ZNF131: variants seen among roughly 807,000 people sequenced by gnomAD.
The protein encoded by ZNF131 is zinc finger and BTB domain containing 35.
Under a neutral mutation model 60.0 loss-of-function variants are expected in ZNF131, and 7 were observed. That is an observed-to-expected ratio of 0.12 (90% CI 0.07 to 0.22). The LOEUF is 0.22. ZNF131 is among the 10% of genes least tolerant of loss of function. ZNF131 has a pLI of 1.00. For missense variants in ZNF131, 493 were observed against 740.9 expected (o/e 0.67, Z 3.88); for synonymous variants, 257 against 253.2 (o/e 1.01, Z -0.14).
chr5:43,152,231 G>A (rs1328528017), intron 4 of ZNF131, among the ~76,000 whole-genome samples: 2 of 152,070 alleles, frequency 1.3e-5, no homozygotes, highest in South Asian at 2.1e-4. Context: ...TCGAACTCCC[G>A]ACCTCAAGTG....
At chr5:43,137,399 GA>G (rs1281643873) in intron 3 of ZNF131, among the ~76,000 whole-genome samples, 5 of 151,738 alleles carry the variant, frequency 3.3e-5, no homozygotes, top group Admixed American at 1.3e-4. Flanking sequence ...AAATGATGCA[GA>G]AAAAAATTAA....
chr5:43,137,110 C>T (rs911464936), intron 3 of ZNF131, among the ~76,000 whole-genome samples: 1 of 152,016 alleles, frequency 6.6e-6, no homozygotes, highest in Non-Finnish European at 1.5e-5. Flanking sequence ...TGTAAATCTC[C>T]TGGAAGAAAA....
In ZNF131 at chr5:43,161,266, C is replaced by T; in HGVS notation, c.389C>T (p.Ala130Val). ...ALEVRNKENSAPLEENTTGKN... is the reference protein window; with the variant it reads ...ALEVRNKENSVPLEENTTGKN... ...TATTTCAGGAACAAAGAAAACTCAG[C>T]TCCCTTAGAGGAAAATACCACAGGA... is the stretch of plus-strand genomic sequence containing the variant. Residue 130 changes from alanine to valine, a missense_variant, in exon 5 of 7, where the codon GCT becomes GTT. Ala to Val is a moderately conservative substitution (Grantham distance 64). Around this residue, in one of 7 missense-constraint regions of ZNF131, gnomAD observed 138 missense variants for 158.7 expected, o/e 0.87. Transcript: ENST00000682664. 1.3e-6 allele frequency: 2 copies of T among 1,599,908 alleles called. No individual in the cohort carries two copies. Among genetic ancestry groups the T allele is most frequent in the South Asian group, 1.1e-5 (1 of 87,716 alleles).
chr5:43,156,110 A>G (rs1381749332), intron 4 of ZNF131, among the ~76,000 whole-genome samples: 1 of 152,222 alleles, frequency 6.6e-6, no homozygotes, highest in African/African-American at 2.4e-5. Flanking sequence ...AGAAGTATAA[A>G]TGCACTTCCT....
At chr5:43,167,725 C>G (rs549977470) in intron 5 of ZNF131, among the ~76,000 whole-genome samples, 3 of 152,110 alleles carry the variant, frequency 2.0e-5, no homozygotes, top group Non-Finnish European at 4.4e-5. Context: ...TCAAGGAGCT[C>G]AGGATATGCT....
intron 5 of ZNF131, among the ~76,000 whole-genome samples, chr5:43,171,300 A>G (rs1378426005): frequency 6.6e-6 from 1 of 152,066 alleles, no homozygotes; most frequent in Non-Finnish European, 1.5e-5. Context: ...CTTCAAAGCC[A>G]ATTCTGGATC....
At chr5:43,160,007 T>C (rs140265226) in intron 4 of ZNF131, among the ~76,000 whole-genome samples, 10,582 of 151,892 alleles carry the variant, frequency 0.07, 441 homozygotes, top group South Asian at 0.13. Context: ...AAACCCCATC[T>C]CTACTAAAAA....
In ZNF131 at chr5:43,146,530, G is replaced by A. The variant is rs566481773; in HGVS notation, c.371+7221G>A. On this transcript the variant is annotated intron_variant, in intron 4 of 6. Coordinates refer to ENST00000682664, the MANE Select transcript of ZNF131 (RefSeq NM_001330707.2). ...GAATGGCGTGAACCTGGGAGGCAGA[G>A]CTTGCAGTGAGCCGAGATTGCGCCA... 7.9e-5 allele frequency among the ~76,000 whole-genome samples: 12 copies of A among 152,284 alleles called. No homozygotes were observed. The East Asian group carries it at 1.9e-3, about 24-fold the overall frequency.
At chr5:43,158,507 C>T (rs1258127800) in intron 4 of ZNF131, among the ~76,000 whole-genome samples, 1 of 152,158 alleles carries the variant, frequency 6.6e-6, no homozygotes, top group Non-Finnish European at 1.5e-5. Context: ...TCAGGCTGGT[C>T]TCGAACTCCT....
chr5:43,169,923 T>A (rs1304076434), intron 5 of ZNF131, among the ~76,000 whole-genome samples: 1 of 152,068 alleles, frequency 6.6e-6, no homozygotes, highest in Non-Finnish European at 1.5e-5. Flanking sequence ...CCCGAGTAGC[T>A]GGGCTTACAG....
Position 43,160,678 on chromosome 5 carries a change from C to CTTTTTTTTTTTTTT in ZNF131, c.372-562_372-549dup, listed in dbSNP as rs71608692. On this transcript the variant is annotated intron_variant, in intron 4 of 6. Coordinates refer to ENST00000682664, the MANE Select transcript of ZNF131 (RefSeq NM_001330707.2). Reference sequence around the variant, plus strand: ...TCACTGTTAAATGATTAGCTTGGAACTTTTTTTTTTTTTTTTTTTTTTGAG... The same window carrying CTTTTTTTTTTTTTT: ...TCACTGTTAAATGATTAGCTTGGAACTTTTTTTTTTTTTTTTTTTTTTTTTTTTTTTTTTTTGAG... Among the ~76,000 whole-genome samples the CTTTTTTTTTTTTTT allele has an allele frequency of 1.4e-3, 130 of 93,030 alleles. 5 individuals are homozygous for CTTTTTTTTTTTTTT. Among genetic ancestry groups the CTTTTTTTTTTTTTT allele is most frequent in the African/African-American group, 3.7e-3 (93 of 25,082 alleles). 61.0% of individuals were successfully genotyped at this position (93,030 alleles called of 152,430 possible).
At chr5:43,170,906 A>G (rs1217260438) in intron 5 of ZNF131, among the ~76,000 whole-genome samples, 1 of 149,944 alleles carries the variant, frequency 6.7e-6, no homozygotes, top group East Asian at 2.0e-4. Flanking sequence ...AAGTGCTGGG[A>G]TTACAGGTGT....
chr5:43,129,245 T>A (rs575179023), intron 3 of ZNF131, among the ~76,000 whole-genome samples: 1 of 152,234 alleles, frequency 6.6e-6, no homozygotes, highest in African/African-American at 2.4e-5. Context: ...CTAGTTTTTG[T>A]ATTTTTTGTA....
chr5:43,153,463 TAAAAAAAAAAA>T (rs35596507), intron 4 of ZNF131, among the ~76,000 whole-genome samples: 2 of 61,180 alleles, frequency 3.3e-5, no homozygotes, highest in Non-Finnish European at 5.6e-5. Flanking sequence ...CCATCTCTAC[TAAAAAAAAAAA>T]AAAAAAAAAA....
intron 3 of ZNF131, among the ~76,000 whole-genome samples, chr5:43,135,734 G>T (rs1579752787): frequency 6.6e-6 from 1 of 152,216 alleles, no homozygotes; most frequent in East Asian, 1.9e-4. Context: ...AAAGAAAAAA[G>T]AAACTAAAGA....
intron 4 of ZNF131, among the ~76,000 whole-genome samples, chr5:43,149,420 T>C (rs1622767): frequency 0.064 from 9,693 of 152,350 alleles, 377 homozygotes; most frequent in South Asian, 0.13. Flanking sequence ...TATGGATGTA[T>C]CACCATTTGT....
Position 43,122,065 on chromosome 5 carries a change from A to G in ZNF131, c.12A>G (p.Glu4=). The part of the protein sequence containing the change: MEA[E]ETMECLQEFP... ...GCAGCCCGACGGCCATGGAGGCTGA[A>G]GAGACGATGGAATGCCTTCAGGAGT... The change falls in exon 2 of 7, where the codon GAA becomes GAG. Residue 4 remains glutamate, a synonymous_variant. Coordinates refer to ENST00000682664, the MANE Select transcript of ZNF131 (RefSeq NM_001330707.2). 6.2e-7 allele frequency: 1 copy of G among 1,613,932 alleles called. No homozygotes were observed. Among genetic ancestry groups the G allele is most frequent in the Admixed American group, 1.7e-5 (1 of 59,954 alleles).
At chr5:43,125,693 A>G (rs71627577) in intron 3 of ZNF131, among the ~76,000 whole-genome samples, 11,947 of 151,878 alleles carry the variant, frequency 0.079, 701 homozygotes, top group Non-Finnish European at 0.11. Flanking sequence ...AGGCAGGAGA[A>G]TCGCTTGAAC....
In ZNF131 at chr5:43,161,269, C is replaced by G; in HGVS notation, c.392C>G (p.Pro131Arg). ...LEVRNKENSA[P>R]LEENTTGKNE... ...TTCAGGAACAAAGAAAACTCAGCTC[C>G]CTTAGAGGAAAATACCACAGGAAAA... Residue 131 changes from proline to arginine, a missense_variant, in exon 5 of 7, where the codon CCC becomes CGC. Pro to Arg is a moderately radical substitution (Grantham distance 103, BLOSUM62 -2). Transcript: ENST00000682664. 2 of 1,610,086 alleles carry G rather than the reference C, an allele frequency of 1.2e-6. No individual in the cohort carries two copies. Among genetic ancestry groups the G allele is most frequent in the Middle Eastern group, 1.7e-4 (1 of 6,048 alleles).
Sources: allele counts gnomAD v4.1 joint callset (sites outside exome capture counted in the v4.1 genomes callset), GRCh38; gene constraint gnomAD v4.1.1; regional missense constraint gnomAD v4.1.1; transcripts MANE v1.5; gene names NCBI Gene and HGNC (gene_info 2026-07-23, HGNC 2026-07-21).